TUBB4A: variants seen among roughly 807,000 people sequenced by gnomAD.
TUBB4A encodes tubulin beta 4A class IVa.
A neutral mutation model predicts 35.1 loss-of-function variants in TUBB4A; 13 were observed. The ratio of observed to expected loss-of-function variants is 0.37; its 90% confidence interval spans 0.24 to 0.59. The LOEUF is 0.59. Among genes scored for constraint, TUBB4A ranks in the 20% least tolerant of loss-of-function variants. The pLI is 0.71. For synonymous variants in TUBB4A, 279 were observed against 272.4 expected, an observed-to-expected ratio of 1.02 and a Z score of -0.24; for missense variants, 299 against 647.2, an observed-to-expected ratio of 0.46 and a Z score of 5.84.
intron 3 of TUBB4A, among the ~76,000 whole-genome samples, chr19:6,498,730 C>G (rs1269164569): frequency 1.3e-5 from 2 of 152,216 alleles, no homozygotes; most frequent in Non-Finnish European, 2.9e-5. Flanking sequence ...CTCTGGTCAC[C>G]CCCTCCCTCC....
Position 6,495,171 on chromosome 19 carries a change from ACCT to A in TUBB4A, c.1325_1327del (p.Glu442del). ...GGAAGCGATGGGAGCAGCCTAGGCC[ACCT>A]CCTCCTCCGCCTCCTCCTCGAACTC... On this transcript the variant is annotated inframe_deletion, in exon 4 of 4. Transcript: ENST00000264071. The surrounding 1 kb of genome is among the most constrained non-coding windows in gnomAD (Gnocchi z 8.7). 2.5e-6 allele frequency: 4 copies of A among 1,613,426 alleles called. No homozygotes were observed. Among genetic ancestry groups the A allele is most frequent in the Non-Finnish European group, 3.4e-6 (4 of 1,179,746 alleles).
chr19:6,501,634 A>G lies in TUBB4A; in HGVS notation c.58-11T>C. On this transcript the variant is annotated splice_polypyrimidine_tract_variant and intron_variant, in intron 1 of 3. Coordinates refer to ENST00000264071, the MANE Select transcript of TUBB4A (RefSeq NM_006087.4). This position sits in a 1 kb window ranked among gnomAD's most constrained non-coding sequence, Gnocchi z 4.2. ...GATAACCTCCCAAAACTAGAGAGAG[A>G]GGTGGTCGGAAGAGTTGAGAGAGGG... 1 of 1,610,302 alleles carries G rather than the reference A, an allele frequency of 6.2e-7. No homozygotes were observed. Among genetic ancestry groups the G allele is most frequent in the Non-Finnish European group, 8.5e-7 (1 of 1,177,482 alleles).
chr19:6,501,565 T>C lies in TUBB4A; in HGVS notation c.116A>G (p.Asp39Gly). The C allele has an allele frequency of 6.2e-7, 1 of 1,614,136 alleles. No homozygotes were observed. Among genetic ancestry groups the C allele is most frequent in the Non-Finnish European group, 8.5e-7 (1 of 1,179,990 alleles). Residue 39 changes from aspartate (D) to glycine (G), a missense_variant, in exon 2 of 4, where the codon GAC becomes GGC. Physicochemically the swap from Asp to Gly is moderately conservative, Grantham distance 94. Around this residue, in one of 5 missense-constraint regions of TUBB4A, gnomAD observed 123 missense variants for 226.0 expected, o/e 0.54. Coordinates refer to ENST00000264071, the MANE Select transcript of TUBB4A (RefSeq NM_006087.4). The surrounding 1 kb of genome is among the most constrained non-coding windows in gnomAD (Gnocchi z 4.2). The stretch of plus-strand genomic sequence containing the variant: ...GATCCTCTCCAGTTGCAGGTCACTG[T>C]CCCCATGGTATGTGCCTGTGGGGTC... ...GIDPTGTYHG[D>G]SDLQLERINV...
Position 6,495,770 on chromosome 19 carries a change from C to G in TUBB4A, c.729G>C (p.Pro243=), listed in dbSNP as rs370473879. 9.3e-6 allele frequency: 15 copies of G among 1,614,184 alleles called. No homozygotes were observed. Among genetic ancestry groups the G allele is most frequent in the Non-Finnish European group, 8.5e-6 (10 of 1,180,038 alleles). ...TGCGCAGGTCGGCGTTCAGCTGGCC[C>G]GGGAAGCGCAGGCAGGTGGTGACCC... is the stretch of plus-strand genomic sequence containing the variant. ...MSGVTTCLRF[P]GQLNADLRKL... The change falls in exon 4 of 4, where the codon CCG becomes CCC. Residue 243 remains proline (P), a synonymous_variant. Transcript: ENST00000264071. The surrounding 1 kb of genome is among the most constrained non-coding windows in gnomAD (Gnocchi z 8.7).
chr19:6,500,080 C>T lies in TUBB4A; in HGVS notation c.277+1207G>A, dbSNP rs368028801. Among the ~76,000 whole-genome samples the T allele has an allele frequency of 9.6e-3, 1,453 of 152,144 alleles. 27 individuals carry two copies. The highest frequency in any genetic ancestry group is 0.03 in the African/African-American group (1,225 of 41,512). On this transcript the variant is annotated intron_variant, in intron 3 of 3. Coordinates refer to ENST00000264071, the MANE Select transcript of TUBB4A (RefSeq NM_006087.4). ...TGCTGGGATTACAGGTGTGAGCCAC[C>T]GTGCCCACCCTGAGCCTCACAATTC...
chr19:6,502,124 C>T, intron 1 of TUBB4A, 32 bp downstream of exon 1: 1 of 1,542,014 alleles, frequency 6.5e-7, no homozygotes, highest in Non-Finnish European at 8.7e-7. Context: ...CCGGGGCCGC[C>T]ACTGCCTCCC....
At position 6,502,217 on chromosome 19, in the gene TUBB4A, G is replaced by C. The variant is rs1172411704; in HGVS notation, c.-5C>G. On this transcript the variant is annotated 5_prime_UTR_variant, in exon 1 of 4. Coordinates refer to ENST00000264071, the MANE Select transcript of TUBB4A (RefSeq NM_006087.4). The stretch of plus-strand genomic sequence containing the variant: ...CAGGTGCACGATCTCCCGCATGGCG[G>C]TGGCGCTGAGGGTGGACGCGGCGGC... 1 of 1,551,272 alleles carries C rather than the reference G, an allele frequency of 6.4e-7. No homozygotes were observed. Among genetic ancestry groups the C allele is most frequent in the Admixed American group, 1.8e-5 (1 of 54,394 alleles).
chr19:6,500,108 A>ATAGT lies in TUBB4A; in HGVS notation c.277+1178_277+1179insACTA, dbSNP rs373724314. On this transcript the variant is annotated intron_variant, in intron 3 of 3. Coordinates refer to ENST00000264071, the MANE Select transcript of TUBB4A (RefSeq NM_006087.4). ...GCCCACCCTGAGCCTCACAATTCTAATAGCATTTTAGAATCCCTGTTTTAT... is the reference window on the plus strand; with the variant it reads ...GCCCACCCTGAGCCTCACAATTCTAATAGTTAGCATTTTAGAATCCCTGTTTTAT... Among the ~76,000 whole-genome samples the ATAGT allele has an allele frequency of 9.3e-3, 1,406 of 151,958 alleles. 28 individuals carry two copies. Among genetic ancestry groups the ATAGT allele is most frequent in the African/African-American group, 0.029 (1,222 of 41,440 alleles).
rs766284358 is a variant in TUBB4A, at chr19:6,502,270, G to T, written c.-58C>A. ...TGGCACGAGCGCGGGGAGCTGCGGC[G>T]GCGGCGAGGGTGGAAGATGCGGCGG... On this transcript the variant is annotated 5_prime_UTR_variant, in exon 1 of 4. Transcript: ENST00000264071. 1.2e-5 allele frequency: 17 copies of T among 1,465,652 alleles called. No individual in the cohort carries two copies. Among genetic ancestry groups the T allele is most frequent in the Non-Finnish European group, 3.6e-6 (4 of 1,116,006 alleles). 90.8% of individuals were successfully genotyped at this position (1,465,652 alleles called of 1,614,324 possible). A position where few individuals can be genotyped will look rare whatever the true frequency, so the allele number is the denominator to read the frequency against.
In TUBB4A at chr19:6,495,797, G is replaced by A. The variant is rs567289540; in HGVS notation, c.702C>T (p.Ser234=). Residue 234 remains serine, a synonymous_variant, in exon 4 of 4, where the codon AGC becomes AGT. Coordinates refer to ENST00000264071, the MANE Select transcript of TUBB4A (RefSeq NM_006087.4). This position sits in a 1 kb window ranked among gnomAD's most constrained non-coding sequence, Gnocchi z 8.7. ...DLNHLVSATM[S]GVTTCLRFPG... The stretch of plus-strand genomic sequence containing the variant: ...GGAAGCGCAGGCAGGTGGTGACCCC[G>A]CTCATGGTGGCCGACACCAGGTGGT... The A allele has an allele frequency of 5.6e-6, 9 of 1,614,228 alleles. No homozygotes were observed. In the East Asian group the frequency reaches 8.9e-5, roughly 16 times the overall value.
At chr19:6,500,025 A>G (rs965635432) in intron 3 of TUBB4A, among the ~76,000 whole-genome samples, 1 of 152,134 alleles carries the variant, frequency 6.6e-6, no homozygotes, top group African/African-American at 2.4e-5. Context: ...TCCCGACCTC[A>G]GGTGATCCAC....
intron 3 of TUBB4A, among the ~76,000 whole-genome samples, chr19:6,499,690 T>C (rs930412781): frequency 5.9e-5 from 9 of 152,208 alleles, no homozygotes; most frequent in Admixed American, 1.3e-4. Context: ...CTACTCACAT[T>C]CTAGACTGCA....
chr19:6,498,496 C>G (rs761880849), intron 3 of TUBB4A, among the ~76,000 whole-genome samples: 5 of 152,184 alleles, frequency 3.3e-5, no homozygotes, highest in Non-Finnish European at 7.3e-5. Context: ...GGTCAAAGCC[C>G]AAATCCTCCC....
intron 3 of TUBB4A, among the ~76,000 whole-genome samples, chr19:6,496,657 AAAT>A (rs1355756486): frequency 2.1e-5 from 3 of 141,864 alleles, no homozygotes; most frequent in East Asian, 2.2e-4. Flanking sequence ...TAATAATAAT[AAAT>A]AATAACAATT....
intron 3 of TUBB4A, among the ~76,000 whole-genome samples, chr19:6,499,050 C>T (rs369802216): frequency 2.8e-4 from 42 of 152,148 alleles, no homozygotes; most frequent in Non-Finnish European, 5.0e-4. Context: ...TCAGACCAGG[C>T]GCGGTTGCTC....
rs1002198900 is a variant in TUBB4A, at chr19:6,499,894, C to G, written c.277+1393G>C. Among the ~76,000 whole-genome samples, 14 of 151,936 alleles carry G rather than the reference C, an allele frequency of 9.2e-5. No individual in the cohort carries two copies. The East Asian group carries it at 2.7e-3, about 29-fold the overall frequency. On this transcript the variant is annotated intron_variant, in intron 3 of 3. Coordinates refer to ENST00000264071, the MANE Select transcript of TUBB4A (RefSeq NM_006087.4). ...CTCACCACAACCTCTGCCGTTCAAG[C>G]AATTCTCTTGCCTCAGCCTCCCGAG... is the stretch of plus-strand genomic sequence containing the variant.
chr19:6,496,318 T>C, intron 3 of TUBB4A, 97 bp from the exon 4 acceptor site: 1 of 1,135,304 alleles, frequency 8.8e-7, no homozygotes, highest in Non-Finnish European at 1.2e-6. Flanking sequence ...AGTAGTTGAA[T>C]ACTAGTAACT....
intron 3 of TUBB4A, among the ~76,000 whole-genome samples, chr19:6,497,160 T>A (rs2145250600): frequency 6.9e-6 from 1 of 145,576 alleles, no homozygotes; most frequent in South Asian, 2.2e-4. Context: ...GAGGCTGCAG[T>A]GAGCTATGAT....
Position 6,495,659 on chromosome 19 carries a change from C to G in TUBB4A, c.840G>C (p.Gln280His). The change falls in exon 4 of 4, where the codon CAG becomes CAC. Residue 280 changes from glutamine (Q) to histidine (H), a missense_variant. This residue lies in a region of TUBB4A where 125 missense variants were observed against 279.1 expected (regional missense o/e 0.45). Coordinates refer to ENST00000264071, the MANE Select transcript of TUBB4A (RefSeq NM_006087.4). The surrounding 1 kb of genome is among the most constrained non-coding windows in gnomAD (Gnocchi z 8.7). ...GCTCGGGCACCGTCAGGGCCCGGTA[C>G]TGCTGGCTGCCCCGGCTGGTCAGGG... ...FAPLTSRGSQ[Q>H]YRALTVPELT... is the part of the protein sequence containing the mutation. 1 of 1,614,106 alleles carries G rather than the reference C, an allele frequency of 6.2e-7. No homozygotes were observed. The highest frequency in any genetic ancestry group is 8.5e-7 in the Non-Finnish European group (1 of 1,179,956).
Sources: gnomAD v4.1 joint callset for allele counts (sites outside exome capture counted in the v4.1 genomes callset) on GRCh38, gnomAD v4.1.1 for gene constraint, gnomAD v4.1.1 regional missense constraint, Gnocchi (gnomAD v3.1) non-coding constraint, MANE v1.5 for transcripts, NCBI Gene and HGNC (gene_info 2026-07-23, HGNC 2026-07-21) for gene names.